RAB3C: variants seen among roughly 807,000 people sequenced by gnomAD.
RAB3C encodes RAB3C, member RAS oncogene family, also known as ras-related protein Rab-3C.
In RAB3C, 17 loss-of-function variants were observed where a neutral mutation model predicts 26.4. The ratio of observed to expected loss-of-function variants is 0.64; its 90% CI spans 0.44 to 0.97. The LOEUF is 0.97. RAB3C is among the 50% of genes least tolerant of loss of function. The pLI is 0.00. For missense variants in RAB3C, 242 were observed against 281.9 expected (o/e 0.86, Z 1.01); for synonymous variants, 91 against 95.9 (o/e 0.95, Z 0.30).
intron 3 of RAB3C, among the ~76,000 whole-genome samples, chr5:58,746,346 G>A (rs1741403023): frequency 6.6e-6 from 1 of 152,156 alleles, no homozygotes; most frequent in Admixed American, 6.5e-5. Flanking sequence ...AGCTCTACCA[G>A]TACTTGGGGC....
At chr5:58,657,419 G>C (rs1486015657) in intron 2 of RAB3C, among the ~76,000 whole-genome samples, 6 of 152,032 alleles carry the variant, frequency 3.9e-5, no homozygotes, top group Admixed American at 2.6e-4. Flanking sequence ...ATTCGGGGAA[G>C]GACTTTCCAA....
intron 2 of RAB3C, among the ~76,000 whole-genome samples, chr5:58,721,060 G>A (rs1740740972): frequency 6.6e-6 from 1 of 151,776 alleles, no homozygotes; most frequent in African/African-American, 2.4e-5. Flanking sequence ...CAGAAACAGA[G>A]TGCCAAAATT....
chr5:58,779,999 A>T (rs1237584492), intron 3 of RAB3C, among the ~76,000 whole-genome samples: 1 of 152,102 alleles, frequency 6.6e-6, no homozygotes, highest in Non-Finnish European at 1.5e-5. Context: ...GGACTGTGTT[A>T]GTTGGCCCAA....
chr5:58,638,743 T>C (rs1561275130), intron 2 of RAB3C, among the ~76,000 whole-genome samples: 2 of 152,222 alleles, frequency 1.3e-5, no homozygotes, highest in African/African-American at 4.8e-5. Context: ...AAGCTGTATA[T>C]GGATCACTGT....
At chr5:58,839,472 G>A (rs141834194) in intron 4 of RAB3C, among the ~76,000 whole-genome samples, 19 of 152,080 alleles carry the variant, frequency 1.2e-4, no homozygotes, top group African/African-American at 4.6e-4. Flanking sequence ...CCAGGTTCAA[G>A]ATATTCTCCT....
chr5:58,843,679 T>C (rs2112082519), intron 4 of RAB3C, among the ~76,000 whole-genome samples: 1 of 152,348 alleles, frequency 6.6e-6, no homozygotes, highest in African/African-American at 2.4e-5. Context: ...ATGTCTTTCC[T>C]TGTGAGTAAA....
At chr5:58,599,684 CTTTTTCTTTTT>C (rs1746407422) in intron 1 of RAB3C, among the ~76,000 whole-genome samples, 2 of 151,408 alleles carry the variant, frequency 1.3e-5, no homozygotes, top group Admixed American at 6.6e-5. Flanking sequence ...AATTCATCTC[CTTTTTCTTTTT>C]TTTTTCTTTT....
At chr5:58,656,411 T>C (rs1338388959) in intron 2 of RAB3C, among the ~76,000 whole-genome samples, 1 of 152,196 alleles carries the variant, frequency 6.6e-6, no homozygotes, top group African/African-American at 2.4e-5. Flanking sequence ...AGGTGATGGA[T>C]ATGTTAATTA....
At chr5:58,756,337 CAT>C (rs944308616) in intron 3 of RAB3C, among the ~76,000 whole-genome samples, 53 of 132,652 alleles carry the variant, frequency 4.0e-4, no homozygotes, top group Non-Finnish European at 7.6e-4. Context: ...ATATATATAA[CAT>C]ATATATGTTA....
intron 3 of RAB3C, among the ~76,000 whole-genome samples, chr5:58,774,362 A>C (rs541338203): frequency 1.4e-4 from 22 of 152,184 alleles, no homozygotes; most frequent in Non-Finnish European, 2.8e-4. Context: ...GGGATCATTT[A>C]TATACCCTTT....
chr5:58,627,471 TAAAAAAAAAAAAAAAAAAAAAAA>T (rs58104232), intron 2 of RAB3C, among the ~76,000 whole-genome samples: 23 of 68,442 alleles, frequency 3.4e-4, no homozygotes, highest in South Asian at 2.8e-3. Flanking sequence ...GACTCCGTCT[TAAAAAAAAAAAAAAAAAAAAAAA>T]AAAAAAAAAA....
At chr5:58,678,669 G>A (rs1187323418) in intron 2 of RAB3C, among the ~76,000 whole-genome samples, 2 of 152,118 alleles carry the variant, frequency 1.3e-5, no homozygotes, top group African/African-American at 4.8e-5. Flanking sequence ...CTCTGCCTAA[G>A]ACATTTATTT....
intron 2 of RAB3C, among the ~76,000 whole-genome samples, chr5:58,646,883 T>C (rs1359489696): frequency 6.6e-6 from 1 of 151,890 alleles, no homozygotes; most frequent in Non-Finnish European, 1.5e-5. Flanking sequence ...CCTTGGCACC[T>C]TCTGCTGTAT....
intron 1 of RAB3C, among the ~76,000 whole-genome samples, chr5:58,587,708 A>T (rs148191159): frequency 6.6e-6 from 1 of 152,162 alleles, no homozygotes; most frequent in Non-Finnish European, 1.5e-5. Context: ...GTATTCCTTC[A>T]TGGTTTTTCC....
chr5:58,761,138 C>G (rs992524132), intron 3 of RAB3C, among the ~76,000 whole-genome samples: 18 of 151,732 alleles, frequency 1.2e-4, no homozygotes, highest in African/African-American at 4.4e-4. Flanking sequence ...CTGTGGATAT[C>G]TCTGACAAAA....
At chr5:58,806,935 C>G (rs1742953701) in intron 3 of RAB3C, among the ~76,000 whole-genome samples, 2 of 152,032 alleles carry the variant, frequency 1.3e-5, no homozygotes, top group Admixed American at 1.3e-4. Flanking sequence ...ATGCCAGTGT[C>G]AAAGGAAGGT....
chr5:58,833,614 G>A (rs116410371), intron 4 of RAB3C, among the ~76,000 whole-genome samples: 2,240 of 152,214 alleles, frequency 0.015, 28 homozygotes, highest in Non-Finnish European at 0.024. Flanking sequence ...CATTGTGGAG[G>A]GAGAATTTCG....
At chr5:58,807,803 C>T (rs959721636) in intron 3 of RAB3C, among the ~76,000 whole-genome samples, 1 of 150,996 alleles carries the variant, frequency 6.6e-6, no homozygotes, top group South Asian at 2.1e-4. Flanking sequence ...GTCCATAGCA[C>T]AGTGGGTACT....
chr5:58,715,820 A>G (rs1460892173), intron 2 of RAB3C, among the ~76,000 whole-genome samples: 1 of 152,128 alleles, frequency 6.6e-6, no homozygotes, highest in African/African-American at 2.4e-5. Flanking sequence ...GAAGCTTGCC[A>G]ATCAGGAAGA....
Sources: allele counts gnomAD v4.1 joint callset (sites outside exome capture counted in the v4.1 genomes callset), GRCh38; gene constraint gnomAD v4.1.1; transcripts MANE v1.5; gene names NCBI Gene and HGNC (gene_info 2026-07-23, HGNC 2026-07-21).